The following TENM1 variants were observed in gnomAD, a reference collection of about 807,000 sequenced individuals.
TENM1 encodes the protein teneurin transmembrane protein 1.
Under a neutral mutation model 174.8 loss-of-function variants are expected in TENM1, and 35 were observed. That is an observed-to-expected ratio of 0.20 (90% CI 0.15 to 0.27). TENM1 has a LOEUF of 0.27. Ranked by LOEUF, TENM1 falls within the 10% of genes least tolerant of loss-of-function variation. The pLI is 1.00. For missense variants in TENM1, 1,633 were observed against 2,130.1 expected (o/e 0.77, Z 4.59); for synonymous variants, 781 against 798.7 (o/e 0.98, Z 0.37).
chrX:124,769,090 T>G (rs754262567), intron 3 of TENM1, among the ~76,000 whole-genome samples: 1 of 112,389 alleles, frequency 8.9e-6, no homozygotes, highest in Non-Finnish European at 1.9e-5. Context: ...ACCTATCTAA[T>G]GTTAAATACA....
At chrX:124,732,675 A>G (rs2053590283) in intron 4 of TENM1, among the ~76,000 whole-genome samples, 2 of 112,046 alleles carry the variant, frequency 1.8e-5, no homozygotes, top group South Asian at 7.5e-4. Flanking sequence ...ATGCAGCTGA[A>G]GGGATGAGGT....
At chrX:124,980,189 T>C in the TENM1 span, among the ~76,000 whole-genome samples, 1 of 110,743 alleles carries the variant, frequency 9.0e-6, no homozygotes, top group African/African-American at 3.3e-5. Flanking sequence ...CTGGCCAAGA[T>C]AGCAAGACCC....
At chrX:125,195,797 A>C in the TENM1 span, among the ~76,000 whole-genome samples, 60 of 110,869 alleles carry the variant, frequency 5.4e-4, no homozygotes, top group African/African-American at 2.0e-3. Flanking sequence ...AATATAAATA[A>C]TAATATCTCA....
chrX:124,956,714 A>T (rs2058579020), intron 1 of TENM1, among the ~76,000 whole-genome samples: 1 of 112,391 alleles, frequency 8.9e-6, no homozygotes, highest in Admixed American at 9.4e-5. Flanking sequence ...AACTTGTGAC[A>T]TCTAGAAGCA....
rs186659455 is a variant in TENM1 at position 124,698,064 on chromosome X, T to G, written c.1015+6949A>C. ...ACTATTTTATCTTCACCATAGAATG[T>G]TTTCTTCCAATCTTTCTAGTTGTTT... On this transcript the variant is annotated intron_variant, in intron 5 of 31. Coordinates refer to ENST00000422452, the Ensembl canonical transcript of TENM1. Among the ~76,000 whole-genome samples the G allele has an allele frequency of 5.4e-5, 6 of 111,745 alleles. No homozygotes were observed. In the East Asian group the frequency reaches 1.4e-3, roughly 26 times the overall value.
intron 1 of TENM1, among the ~76,000 whole-genome samples, chrX:124,931,865 GCGCA>G (rs1372967414): frequency 1.0e-5 from 1 of 99,549 alleles, no homozygotes; most frequent in Non-Finnish European, 2.1e-5. Context: ...AGGACGCCAA[GCGCA>G]CGCACACACA....
the TENM1 span, among the ~76,000 whole-genome samples, chrX:125,112,249 T>C: frequency 0.047 from 4,987 of 106,864 alleles, 325 homozygotes; most frequent in African/African-American, 0.16. Context: ...CAGCAAAAAA[T>C]AGATGATTTA....
the TENM1 span, among the ~76,000 whole-genome samples, chrX:125,168,015 G>T: frequency 2.7e-5 from 3 of 111,597 alleles, no homozygotes; most frequent in African/African-American, 9.8e-5. Context: ...ACATGCTTGT[G>T]TGTGTGTATG....
intron 5 of TENM1, among the ~76,000 whole-genome samples, chrX:124,682,203 G>A (rs1481608428): frequency 9.0e-6 from 1 of 111,460 alleles, no homozygotes; most frequent in Non-Finnish European, 1.9e-5. Context: ...CTATCATCAG[G>A]GCACTGGGGA....
exon 24 of TENM1, chrX:124,422,401 T>C (rs774606707): frequency 1.6e-5 from 19 of 1,209,729 alleles, no homozygotes; most frequent in Non-Finnish European, 1.8e-5. Flanking sequence ...GTTTCAGCTA[T>C]GAAGAGCAGC....
chrX:124,832,953 G>A (rs781606661), intron 3 of TENM1, among the ~76,000 whole-genome samples: 5 of 111,805 alleles, frequency 4.5e-5, no homozygotes, highest in East Asian at 5.6e-4. Context: ...GTCATTAGTC[G>A]ATGTAAGAGG....
chrX:124,401,613 G>A (rs1354227874), intron 27 of TENM1, among the ~76,000 whole-genome samples: 1 of 112,185 alleles, frequency 8.9e-6, no homozygotes, highest in Non-Finnish European at 1.9e-5. Flanking sequence ...CTTGTCCCTT[G>A]AAAGCTACCA....
chrX:124,604,117 G>A (rs776150897), intron 11 of TENM1, among the ~76,000 whole-genome samples: 2 of 110,248 alleles, frequency 1.8e-5, no homozygotes, highest in South Asian at 3.8e-4. Flanking sequence ...TAAAATAATC[G>A]GTATAATAGC....
chrX:124,415,600 T>C (rs1230233769), intron 25 of TENM1, among the ~76,000 whole-genome samples: 1 of 111,744 alleles, frequency 8.9e-6, no homozygotes, highest in African/African-American at 3.3e-5. Context: ...TATTCTGGGT[T>C]TCGGTTTCTT....
intron 3 of TENM1, among the ~76,000 whole-genome samples, chrX:124,894,085 C>T (rs978731977): frequency 9.0e-6 from 1 of 111,478 alleles, no homozygotes; most frequent in Non-Finnish European, 1.9e-5. Context: ...TCCCTAGCTC[C>T]CCCTTCACCT....
intron 3 of TENM1, among the ~76,000 whole-genome samples, chrX:124,822,567 C>T (rs1159852118): frequency 8.9e-6 from 1 of 111,769 alleles, no homozygotes; most frequent in Non-Finnish European, 1.9e-5. Flanking sequence ...ACTTATTTGC[C>T]CCTTTCTCAA....
the TENM1 span, among the ~76,000 whole-genome samples, chrX:125,112,667 G>C: frequency 1.7e-4 from 19 of 111,458 alleles, no homozygotes; most frequent in Admixed American, 9.6e-5. Flanking sequence ...ACGAAAACAG[G>C]CTGCACTCCT....
At chrX:124,449,625 C>T (rs1356545330) in intron 23 of TENM1, among the ~76,000 whole-genome samples, 1 of 112,078 alleles carries the variant, frequency 8.9e-6, no homozygotes, top group African/African-American at 3.2e-5. Context: ...TACATTCACA[C>T]CCTTCTTTAT....
At chrX:124,894,412 C>T in intron 2 of TENM1, 60 bp from the exon 6 acceptor site, 1 of 892,633 alleles carries the variant, frequency 1.1e-6, no homozygotes, top group Non-Finnish European at 1.6e-6. Context: ...ATTCCTCAAA[C>T]TTCAACCCTT....
Sources: allele counts gnomAD v4.1 joint callset (sites outside exome capture counted in the v4.1 genomes callset), GRCh38; gene constraint gnomAD v4.1.1; transcripts MANE v1.5; gene names NCBI Gene and HGNC (gene_info 2026-07-23, HGNC 2026-07-21).